ARID5A: variants seen among roughly 807,000 people sequenced by gnomAD.
The protein encoded by ARID5A is AT-rich interactive domain-containing protein 5A.
ARID5A carries 14 observed loss-of-function variants against 30.5 expected under a neutral mutation model. That is an observed-to-expected ratio of 0.46 (90% CI 0.30 to 0.72). The LOEUF (loss-of-function observed/expected upper bound fraction) is 0.72. Ranked by LOEUF, ARID5A falls within the 30% of genes least tolerant of loss-of-function variation. The pLI is 0.07. For missense variants in ARID5A, 669 were observed against 786.2 expected (o/e 0.85, Z 1.78); for synonymous variants, 338 against 340.4 (o/e 0.99, Z 0.08).
intron 1 of ARID5A, chr2:96,538,158 G>GAA (rs899923558): frequency 3.0e-6 from 3 of 985,448 alleles, no homozygotes; most frequent in Non-Finnish European, 3.6e-6. Context: ...ACAGTTGAGA[G>GAA]ACGTCAACTG....
rs1417131778 is a variant in ARID5A at position 96,551,269 on chromosome 2, C to T, written c.741C>T (p.Tyr247=). ...ACAAGCGGCTCCTATCCAGCTTCTA[C>T]TGCAAGGGGACACACGGCATCATGT... ...EAYKRLLSSF[Y]CKGTHGIMSP... The change falls in exon 7 of 7, where the codon TAC becomes TAT. Residue 247 remains tyrosine, a synonymous_variant. Transcript: ENST00000357485. 3 of 1,613,824 alleles carry T rather than the reference C, an allele frequency of 1.9e-6. No homozygotes were observed. The highest frequency in any genetic ancestry group is 1.1e-5 in the South Asian group (1 of 91,094).
intron 2 of ARID5A, 62 bp downstream of exon 2, chr2:96,547,579 C>T (rs969333873): frequency 3.2e-5 from 47 of 1,491,942 alleles, no homozygotes; most frequent in Non-Finnish European, 3.7e-5. Flanking sequence ...ACCTGTGCTC[C>T]GCCTCCAGGT....
rs1330405995 is a variant in ARID5A at position 96,550,997 on chromosome 2, G to A, written c.571-102G>A. On this transcript the variant is annotated intron_variant, in intron 6 of 6. Transcript: ENST00000357485. This position sits in a 1 kb window ranked among gnomAD's most constrained non-coding sequence, Gnocchi z 6.6. ...AAATTCTGTACAGAGGACTGCAGGG[G>A]CTGGCGGGGGACCTGGGCAGGCCTG... 5 of 1,366,806 alleles carry A rather than the reference G, an allele frequency of 3.7e-6. No individual in the cohort carries two copies. Among genetic ancestry groups the A allele is most frequent in the Non-Finnish European group, 5.0e-6 (5 of 1,000,484 alleles). The allele number at this position is 1,366,806 out of a possible 1,614,324, so 84.7% of individuals were successfully genotyped here. A position where few individuals can be genotyped will look rare whatever the true frequency, so the allele number is the denominator to read the frequency against.
intron 1 of ARID5A, among the ~76,000 whole-genome samples, chr2:96,545,118 T>C (rs1003630567): frequency 2.6e-5 from 2 of 76,914 alleles, no homozygotes; most frequent in Non-Finnish European, 4.9e-5. Flanking sequence ...CTTTTTTTCT[T>C]CTTTTTTTTT....
chr2:96,542,074 A>G (rs1253712880), intron 1 of ARID5A, among the ~76,000 whole-genome samples: 4 of 152,158 alleles, frequency 2.6e-5, no homozygotes, highest in Non-Finnish European at 5.9e-5. Context: ...CCCAACATCT[A>G]TGGCAGCGGG....
Position 96,537,878 on chromosome 2 carries a change from A to C in ARID5A, c.4+1048A>C. On this transcript the variant is annotated intron_variant, in intron 1 of 6. Coordinates refer to ENST00000357485, the MANE Select transcript of ARID5A (RefSeq NM_212481.3). This position sits in a 1 kb window ranked among gnomAD's most constrained non-coding sequence, Gnocchi z 4.8. The stretch of plus-strand genomic sequence containing the variant: ...GGGTCCAGTGTCCCTTTGTTTGCAG[A>C]GTCTTGGGCCAGTAAGGAGTGCTCC... 1.0e-6 allele frequency: 1 copy of C among 985,346 alleles called. No homozygotes were observed. Among genetic ancestry groups the C allele is most frequent in the South Asian group, 4.7e-5 (1 of 21,290 alleles). 61.0% of individuals were successfully genotyped at this position (985,346 alleles called of 1,614,324 possible). A position where few individuals can be genotyped will look rare whatever the true frequency, so the allele number is the denominator to read the frequency against.
Position 96,547,413 on chromosome 2 carries a change from A to G in ARID5A, c.16A>G (p.Lys6Glu), listed in dbSNP as rs200584052. 8.1e-5 allele frequency: 131 copies of G among 1,613,692 alleles called. 2 individuals are homozygous for G. The Admixed American group carries it at 8.2e-4, about 10-fold the overall frequency. The change falls in exon 2 of 7, where the codon AAA (lysine) becomes GAA (glutamate). Residue 6 changes from lysine to glutamate, a missense_variant. By Grantham distance (56) the Lys-to-Glu change is moderately conservative. Transcript: ENST00000357485. Reference protein sequence around the residue: MAAPVKGNRKQSTEGD... With the variant: MAAPVEGNRKQSTEGD... ...CTCTCTCCTTGCAGCAGCCCCTGTCAAAGGGAACAGGAAGCAGTCCACGGA... is the reference window on the plus strand; with the variant it reads ...CTCTCTCCTTGCAGCAGCCCCTGTCGAAGGGAACAGGAAGCAGTCCACGGA...
In ARID5A at chr2:96,549,624, G is replaced by T; in HGVS notation, c.260-129G>T. ...GGGGTGCACAGGGCACAGCCTGCCC[G>T]TCTATTGCAGTGGCCCTGGCTGGGT... On this transcript the variant is annotated intron_variant, in intron 3 of 6. Coordinates refer to ENST00000357485, the MANE Select transcript of ARID5A (RefSeq NM_212481.3). This position sits in a 1 kb window ranked among gnomAD's most constrained non-coding sequence, Gnocchi z 6.1. 1 of 1,505,730 alleles carries T rather than the reference G, an allele frequency of 6.6e-7. No individual in the cohort carries two copies. The highest frequency in any genetic ancestry group is 9.2e-7 in the Non-Finnish European group (1 of 1,086,632). 93.3% of individuals were successfully genotyped at this position (1,505,730 alleles called of 1,614,324 possible). A position where few individuals can be genotyped will look rare whatever the true frequency, so the allele number is the denominator to read the frequency against.
At position 96,536,796 on chromosome 2, in the gene ARID5A, C is replaced by A; in HGVS notation, c.-31C>A. The A allele has an allele frequency of 8.3e-7, 1 of 1,203,340 alleles. No homozygotes were observed. Among genetic ancestry groups the A allele is most frequent in the South Asian group, 4.2e-5 (1 of 23,830 alleles). 74.5% of individuals were successfully genotyped at this position (1,203,340 alleles called of 1,614,324 possible). A position where few individuals can be genotyped will look rare whatever the true frequency, so the allele number is the denominator to read the frequency against. ...CCGGACAGCCGCGCGCTGAGGGTCTCGGGGCGGGCGCCGCGGGACCTCTCC... is the reference window on the plus strand; with the variant it reads ...CCGGACAGCCGCGCGCTGAGGGTCTAGGGGCGGGCGCCGCGGGACCTCTCC... On this transcript the variant is annotated 5_prime_UTR_variant, in exon 1 of 7. Transcript: ENST00000357485.
chr2:96,550,135 C>G lies in ARID5A; in HGVS notation c.313-53C>G, dbSNP rs1268518625. On this transcript the variant is annotated intron_variant, in intron 4 of 6. Coordinates refer to ENST00000357485, the MANE Select transcript of ARID5A (RefSeq NM_212481.3). The surrounding 1 kb of genome is among the most constrained non-coding windows in gnomAD (Gnocchi z 6.6). ...GCGAGGGCGGCCGGAGCTGCAAGGACCCCGCCGCCAGGGGGCGCCCGCCGG... is the reference window on the plus strand; with the variant it reads ...GCGAGGGCGGCCGGAGCTGCAAGGAGCCCGCCGCCAGGGGGCGCCCGCCGG... The G allele has an allele frequency of 6.5e-7, 1 of 1,530,826 alleles. No homozygotes were observed. The highest frequency in any genetic ancestry group is 2.5e-5 in the East Asian group (1 of 40,544). 94.8% of individuals were successfully genotyped at this position (1,530,826 alleles called of 1,614,324 possible).
chr2:96,544,961 G>A (rs140317264), intron 1 of ARID5A, among the ~76,000 whole-genome samples: 1 of 152,238 alleles, frequency 6.6e-6, no homozygotes, highest in East Asian at 1.9e-4. Flanking sequence ...CAAGACTTCA[G>A]TGGAGAAGAC....
At chr2:96,538,449 C>G (rs780908015) in intron 1 of ARID5A, 2 of 548,052 alleles carry the variant, frequency 3.6e-6, no homozygotes, top group African/African-American at 2.1e-5. Flanking sequence ...CCCTGTCTCT[C>G]TCGCCCTCCC....
chr2:96,552,110 C>A lies in ARID5A; in HGVS notation c.1582C>A (p.Pro528Thr), dbSNP rs2066062123. 6.2e-7 allele frequency: 1 copy of A among 1,608,080 alleles called. No individual in the cohort carries two copies. The highest frequency in any genetic ancestry group is 8.5e-7 in the Non-Finnish European group (1 of 1,177,284). ...LKGQAALPFSPLVIPAFPAHF... is the reference protein window; with the variant it reads ...LKGQAALPFSTLVIPAFPAHF... ...GGGCCAGGCTGCACTCCCCTTCAGCCCCCTGGTCATCCCGGCCTTCCCGGC... is the reference window on the plus strand; with the variant it reads ...GGGCCAGGCTGCACTCCCCTTCAGCACCCTGGTCATCCCGGCCTTCCCGGC... The change falls in exon 7 of 7, where the codon CCC becomes ACC. Residue 528 changes from proline to threonine, a missense_variant. This residue lies in a region of ARID5A where 548 missense variants were observed against 577.4 expected (regional missense o/e 0.95). Coordinates refer to ENST00000357485, the MANE Select transcript of ARID5A (RefSeq NM_212481.3).
In ARID5A at chr2:96,536,832, T is replaced by TA; in HGVS notation, c.4+4dup. ...CCGCGGGACCTCTCCGGGCCATGGG[T>TA]AAGCGGCTCTGCGGCGCGGCCCGGA... On this transcript the variant is annotated splice_region_variant and intron_variant, in intron 1 of 6. Coordinates refer to ENST00000357485, the MANE Select transcript of ARID5A (RefSeq NM_212481.3). 2 of 1,210,388 alleles carry TA rather than the reference T, an allele frequency of 1.7e-6. No individual in the cohort carries two copies. Among genetic ancestry groups the TA allele is most frequent in the Non-Finnish European group, 2.1e-6 (2 of 975,330 alleles). 75.0% of individuals were successfully genotyped at this position (1,210,388 alleles called of 1,614,324 possible). A position where few individuals can be genotyped will look rare whatever the true frequency, so the allele number is the denominator to read the frequency against.
In ARID5A at chr2:96,550,452, CTT is replaced by C. The variant is rs200249887; in HGVS notation, c.411-120_411-119del. The C allele has an allele frequency of 8.3e-3, 12,045 of 1,443,878 alleles. 86 individuals carry two copies. Among genetic ancestry groups the C allele is most frequent in the Non-Finnish European group, 9.1e-3 (9,976 of 1,097,434 alleles). The allele number at this position is 1,443,878 out of a possible 1,614,324, so 89.4% of individuals were successfully genotyped here. A position where few individuals can be genotyped will look rare whatever the true frequency, so the allele number is the denominator to read the frequency against. ...GGCGCACTCACTGAGGGAGCTGAAG[CTT>C]TGGGACCAGGAGAGGGCCTTCCTCG... On this transcript the variant is annotated intron_variant, in intron 5 of 6. Transcript: ENST00000357485. This position sits in a 1 kb window ranked among gnomAD's most constrained non-coding sequence, Gnocchi z 6.6.
intron 1 of ARID5A, among the ~76,000 whole-genome samples, chr2:96,540,184 A>G (rs1029978245): frequency 1.3e-5 from 2 of 152,246 alleles, no homozygotes; most frequent in African/African-American, 4.8e-5. Context: ...CTTGAGAACA[A>G]GTAGACCTAT....
rs193292633 is a variant in ARID5A, at chr2:96,537,798, G to A, written c.4+968G>A. ...TCACCCTCCGCCCAGCGCCGGCGTG[G>A]TGGGGCTTGCGCGGTGCAGGACCCC... is the stretch of plus-strand genomic sequence containing the variant. On this transcript the variant is annotated intron_variant, in intron 1 of 6. Coordinates refer to ENST00000357485, the MANE Select transcript of ARID5A (RefSeq NM_212481.3). This position sits in a 1 kb window ranked among gnomAD's most constrained non-coding sequence, Gnocchi z 4.8. The A allele has an allele frequency of 1.4e-3, 1,306 of 939,122 alleles. 16 individuals carry two copies. In the African/African-American group the frequency reaches 0.022, roughly 16 times the overall value. The allele number at this position is 939,122 out of a possible 1,614,324, so 58.2% of individuals were successfully genotyped here.
At chr2:96,542,908 AG>A (rs1327025590) in intron 1 of ARID5A, among the ~76,000 whole-genome samples, 1 of 152,206 alleles carries the variant, frequency 6.6e-6, no homozygotes, top group Non-Finnish European at 1.5e-5. Context: ...GGAAGACTTC[AG>A]GAATTCACGG....
At chr2:96,544,471 C>T (rs552539291) in intron 1 of ARID5A, among the ~76,000 whole-genome samples, 2 of 152,286 alleles carry the variant, frequency 1.3e-5, no homozygotes, top group South Asian at 4.1e-4. Flanking sequence ...AACCTAGAAC[C>T]TTTAAGAATT....
Sources: allele counts gnomAD v4.1 joint callset (sites outside exome capture counted in the v4.1 genomes callset), GRCh38; gene constraint gnomAD v4.1.1; regional missense constraint gnomAD v4.1.1; non-coding constraint Gnocchi (gnomAD v3.1); transcripts MANE v1.5; gene names NCBI Gene and HGNC (gene_info 2026-07-23, HGNC 2026-07-21).